VPS54: variants seen among roughly 807,000 people sequenced by gnomAD.
The protein encoded by VPS54 is vacuolar protein sorting-associated protein 54.
Under a neutral mutation model 121.5 loss-of-function variants are expected in VPS54, and 45 were observed. The ratio of observed to expected loss-of-function variants is 0.37; its 90% CI spans 0.29 to 0.47. The LOEUF (loss-of-function observed/expected upper bound fraction) is 0.47. VPS54 is among the 20% of genes least tolerant of loss of function. VPS54 has a pLI of 0.99. For missense variants in VPS54, 1,090 were observed against 1,131.4 expected (o/e 0.96, Z 0.52); for synonymous variants, 371 against 385.8 (o/e 0.96, Z 0.45).
chr2:63,936,969 G>A (rs181716579), intron 11 of VPS54, among the ~76,000 whole-genome samples: 9 of 152,190 alleles, frequency 5.9e-5, no homozygotes, highest in South Asian at 2.1e-4. Flanking sequence ...AAAGTAGACC[G>A]CTGTCTTATA....
intron 1 of VPS54, 69 bp from the exon 2 acceptor site, chr2:63,984,088 A>G: frequency 7.5e-7 from 1 of 1,336,400 alleles, no homozygotes; most frequent in East Asian, 2.6e-5. Flanking sequence ...CATGTCACAA[A>G]TTTTCTTTCA....
chr2:64,016,118 G>A (rs1373066971), intron 1 of VPS54, among the ~76,000 whole-genome samples: 2 of 152,188 alleles, frequency 1.3e-5, no homozygotes, highest in Non-Finnish European at 2.9e-5. Flanking sequence ...AGGTAAGCAG[G>A]AAGTAAGCTG....
At chr2:63,994,394 T>C (rs1391379419) in intron 1 of VPS54, among the ~76,000 whole-genome samples, 1 of 152,208 alleles carries the variant, frequency 6.6e-6, no homozygotes, top group Non-Finnish European at 1.5e-5. Flanking sequence ...ATTGGGCTTA[T>C]GTGCCTTTTC....
At chr2:63,894,257 G>C (rs1672346874) in intron 22 of VPS54, among the ~76,000 whole-genome samples, 2 of 152,196 alleles carry the variant, frequency 1.3e-5, no homozygotes, top group Admixed American at 1.3e-4. Flanking sequence ...AATATGAAAA[G>C]TGTATTAGCT....
intron 1 of VPS54, among the ~76,000 whole-genome samples, chr2:63,995,959 C>G (rs1677564419): frequency 6.6e-6 from 1 of 152,206 alleles, no homozygotes; most frequent in African/African-American, 2.4e-5. Flanking sequence ...GACTAAACCC[C>G]ACAACTTGGA....
At chr2:64,008,101 A>G (rs760209884) in intron 1 of VPS54, among the ~76,000 whole-genome samples, 2 of 152,076 alleles carry the variant, frequency 1.3e-5, no homozygotes, top group Non-Finnish European at 2.9e-5. Flanking sequence ...CAAGAAGCCA[A>G]TTGAAGGGTG....
At chr2:63,956,577 A>G (rs1261398150) in intron 7 of VPS54, among the ~76,000 whole-genome samples, 1 of 152,158 alleles carries the variant, frequency 6.6e-6, no homozygotes, top group Non-Finnish European at 1.5e-5. Context: ...CCTCAAACAA[A>G]TATATTAAAA....
At chr2:63,985,377 C>A (rs891657946) in intron 1 of VPS54, among the ~76,000 whole-genome samples, 1 of 152,080 alleles carries the variant, frequency 6.6e-6, no homozygotes, top group Non-Finnish European at 1.5e-5. Flanking sequence ...GAACCCATGA[C>A]AAATAGTTCA....
intron 14 of VPS54, 84 bp downstream of exon 14, chr2:63,920,362 A>G (rs1028536447): frequency 3.9e-6 from 5 of 1,282,288 alleles, no homozygotes; most frequent in African/African-American, 3.1e-5. Context: ...TCACTGGCCA[A>G]TTAGGTTTCC....
At chr2:63,998,057 T>G (rs1179307249) in intron 1 of VPS54, among the ~76,000 whole-genome samples, 1 of 152,216 alleles carries the variant, frequency 6.6e-6, no homozygotes, top group Non-Finnish European at 1.5e-5. Context: ...TTGATATTAT[T>G]TGAATTGTCT....
chr2:63,893,649 GC>G, intron 22 of VPS54, 114 bp from the exon 23 acceptor site: 1 of 872,640 alleles, frequency 1.1e-6, no homozygotes, highest in Non-Finnish European at 1.7e-6. Context: ...ATTTCTTAGT[GC>G]CCAAGTGTCC....
At chr2:63,918,543 C>T (rs927875746) in intron 15 of VPS54, among the ~76,000 whole-genome samples, 1 of 151,910 alleles carries the variant, frequency 6.6e-6, no homozygotes, top group African/African-American at 2.4e-5. Context: ...CAATATCATA[C>T]CATCAAGTAG....
At chr2:64,007,698 A>G (rs943330915) in intron 1 of VPS54, among the ~76,000 whole-genome samples, 2 of 152,218 alleles carry the variant, frequency 1.3e-5, no homozygotes, top group Admixed American at 1.3e-4. Context: ...TGATATTACA[A>G]ATGGAGAAAG....
intron 1 of VPS54, among the ~76,000 whole-genome samples, chr2:63,995,757 G>A (rs933375925): frequency 2.6e-5 from 4 of 152,196 alleles, no homozygotes; most frequent in Admixed American, 6.5e-5. Flanking sequence ...TCAGATTTCC[G>A]TATCACCCTG....
intron 14 of VPS54, 113 bp from the exon 15 acceptor site, chr2:63,920,108 TGAACACTTTAATAAGCAG>T (rs1401818430): frequency 1.2e-6 from 1 of 805,166 alleles, no homozygotes; most frequent in African/African-American, 1.8e-5. Flanking sequence ...TAAAAAGTGC[TGAACACTTTAATAAGCAG>T]GACCAATACT....
At chr2:63,984,809 T>C (rs1575990363) in intron 1 of VPS54, among the ~76,000 whole-genome samples, 1 of 152,308 alleles carries the variant, frequency 6.6e-6, no homozygotes, top group East Asian at 1.9e-4. Context: ...CAGGGTCAGG[T>C]AAGACTTTAT....
chr2:63,911,330 A>G (rs1336099221), intron 20 of VPS54, among the ~76,000 whole-genome samples: 2 of 152,234 alleles, frequency 1.3e-5, no homozygotes, highest in East Asian at 3.8e-4. Flanking sequence ...ACATAAATAC[A>G]AATTCCTTAA....
chr2:63,892,774 C>T lies in VPS54; in HGVS notation c.*656G>A, dbSNP rs1220714399. On this transcript the variant is annotated 3_prime_UTR_variant, in exon 23 of 23. Coordinates refer to ENST00000272322, the MANE Select transcript of VPS54 (RefSeq NM_016516.3). The stretch of plus-strand genomic sequence containing the variant: ...TACTTAAAAAAAGGCTTAAGTCTTT[C>T]AGGTATTTAGAGAGCTCTGGAAGGC... The T allele has an allele frequency of 6.6e-6, 1 of 151,702 alleles. No homozygotes were observed. The highest frequency in any genetic ancestry group is 1.5e-5 in the Non-Finnish European group (1 of 67,918). The allele number at this position is 151,702 out of a possible 1,614,324, so 9.4% of individuals were successfully genotyped here. A position where few individuals can be genotyped will look rare whatever the true frequency, so the allele number is the denominator to read the frequency against.
chr2:63,927,132 TGAGAGCTCTGAA>T (rs1253647483), intron 12 of VPS54, among the ~76,000 whole-genome samples: 2 of 152,212 alleles, frequency 1.3e-5, no homozygotes, highest in African/African-American at 2.4e-5. Context: ...CATCCCTGCC[TGAGAGCTCTGAA>T]GAGAGCTGTG....
Sources: gnomAD v4.1 joint callset for allele counts (sites outside exome capture counted in the v4.1 genomes callset) on GRCh38, gnomAD v4.1.1 for gene constraint, MANE v1.5 for transcripts, NCBI Gene and HGNC (gene_info 2026-07-23, HGNC 2026-07-21) for gene names.